The following ULK4 variants were observed in gnomAD, a reference collection of about 807,000 sequenced individuals.
ULK4 encodes the protein inactive serine/threonine-protein kinase ULK4.
A neutral mutation model predicts 160.6 loss-of-function variants in ULK4; 133 were observed. That is an observed-to-expected ratio of 0.83 (90% CI 0.72 to 0.96). ULK4 has a LOEUF of 0.96. ULK4 is among the 40% of genes least tolerant of loss of function. ULK4 has a pLI of 0.00. For missense variants in ULK4, 1,580 were observed against 1,499.5 expected, an observed-to-expected ratio of 1.05 and a Z score of -0.89; for synonymous variants, 534 against 539.8, an observed-to-expected ratio of 0.99 and a Z score of 0.15.
At chr3:41,443,808 G>A (rs1159732357) in intron 34 of ULK4, among the ~76,000 whole-genome samples, 1 of 151,716 alleles carries the variant, frequency 6.6e-6, no homozygotes, top group East Asian at 1.9e-4. Context: ...TAACTAGCAT[G>A]TTAAGCAATA....
intron 17 of ULK4, among the ~76,000 whole-genome samples, chr3:41,842,742 C>T (rs2041966623): frequency 6.6e-6 from 1 of 152,230 alleles, no homozygotes; most frequent in Non-Finnish European, 1.5e-5. Context: ...CCAAATAAAC[C>T]TCTTTTCTTT....
chr3:41,835,723 C>T, intron 18 of ULK4, 141 bp downstream of exon 18: 1 of 545,388 alleles, frequency 1.8e-6, no homozygotes, highest in Non-Finnish European at 3.3e-6. Context: ...AATTCTCTCC[C>T]CAAGAGGTAA....
intron 20 of ULK4, among the ~76,000 whole-genome samples, chr3:41,792,663 T>C (rs985052244): frequency 1.3e-5 from 2 of 152,246 alleles, no homozygotes; most frequent in Non-Finnish European, 2.9e-5. Flanking sequence ...TTCAGAATGC[T>C]GTGCAAAAGC....
At chr3:41,435,183 A>C (rs1328858073) in intron 34 of ULK4, among the ~76,000 whole-genome samples, 1 of 152,222 alleles carries the variant, frequency 6.6e-6, no homozygotes, top group Non-Finnish European at 1.5e-5. Context: ...ACTTCTCTGT[A>C]AAGTGGGTGG....
intron 34 of ULK4, among the ~76,000 whole-genome samples, chr3:41,450,409 A>C (rs1291561353): frequency 6.6e-6 from 1 of 152,206 alleles, no homozygotes; most frequent in Non-Finnish European, 1.5e-5. Flanking sequence ...CAGACTTAGA[A>C]TCACTGTCTT....
intron 18 of ULK4, among the ~76,000 whole-genome samples, chr3:41,829,037 C>A (rs925143220): frequency 1.3e-5 from 2 of 151,080 alleles, no homozygotes; most frequent in Admixed American, 6.6e-5. Context: ...CAAAAACAAG[C>A]AATGGGGAAA....
At chr3:41,500,869 G>A (rs922455216) in intron 32 of ULK4, among the ~76,000 whole-genome samples, 2 of 152,048 alleles carry the variant, frequency 1.3e-5, no homozygotes, top group African/African-American at 4.8e-5. Flanking sequence ...GTGCCTTCTG[G>A]GTTTTCGTGG....
intron 32 of ULK4, among the ~76,000 whole-genome samples, chr3:41,477,904 AT>A (rs1460001378): frequency 2.0e-5 from 3 of 152,248 alleles, no homozygotes; most frequent in Non-Finnish European, 4.4e-5. Context: ...AGATTTGCCT[AT>A]GCTATTTTAG....
chr3:41,817,098 G>A (rs866408876), intron 19 of ULK4, among the ~76,000 whole-genome samples: 9 of 150,904 alleles, frequency 6.0e-5, no homozygotes, highest in Admixed American at 2.6e-4. Flanking sequence ...GTGTACTCAC[G>A]CATGTGCAAT....
chr3:41,731,285 T>C (rs1291039512), intron 22 of ULK4, among the ~76,000 whole-genome samples: 1 of 151,910 alleles, frequency 6.6e-6, no homozygotes, highest in African/African-American at 2.4e-5. Flanking sequence ...TCCTAAAGGC[T>C]CCACCAAAAA....
chr3:41,819,339 C>T (rs1164518023), intron 19 of ULK4, 84 bp downstream of exon 19: 3 of 1,318,186 alleles, frequency 2.3e-6, no homozygotes, highest in African/African-American at 3.0e-5. Flanking sequence ...AGCTCCTGCA[C>T]TGCTGCAGGC....
intron 5 of ULK4, among the ~76,000 whole-genome samples, chr3:41,920,680 A>C (rs780723332): frequency 1.2e-4 from 19 of 152,260 alleles, no homozygotes; most frequent in South Asian, 4.2e-4. Flanking sequence ...GGAAGAAAGT[A>C]ATCTCCAATG....
chr3:41,846,046 T>C (rs2042061614), intron 17 of ULK4, among the ~76,000 whole-genome samples: 1 of 152,222 alleles, frequency 6.6e-6, no homozygotes, highest in Non-Finnish European at 1.5e-5. Context: ...CTGTCTGGAC[T>C]GCCTCCAGCA....
chr3:41,857,691 G>A (rs2042393557), intron 17 of ULK4, among the ~76,000 whole-genome samples: 1 of 151,950 alleles, frequency 6.6e-6, no homozygotes, highest in African/African-American at 2.4e-5. Flanking sequence ...GTTCAATCTT[G>A]GTAGATTTTA....
intron 30 of ULK4, among the ~76,000 whole-genome samples, chr3:41,632,014 G>A (rs764744842): frequency 1.1e-4 from 17 of 152,294 alleles, no homozygotes; most frequent in Non-Finnish European, 2.1e-4. Context: ...TCGTCGCTCT[G>A]CAGCTGGCCA....
intron 22 of ULK4, among the ~76,000 whole-genome samples, chr3:41,737,597 C>A (rs995947988): frequency 6.6e-6 from 1 of 151,774 alleles, no homozygotes. Flanking sequence ...AGGCATCACG[C>A]TATCTAAGTC....
intron 22 of ULK4, among the ~76,000 whole-genome samples, chr3:41,736,842 T>G (rs2125874344): frequency 6.6e-6 from 1 of 151,922 alleles, no homozygotes; most frequent in East Asian, 1.9e-4. Context: ...CGTTTAAGTC[T>G]TTAATCCATC....
chr3:41,584,494 G>A (rs1358702094), intron 31 of ULK4, among the ~76,000 whole-genome samples: 1 of 151,926 alleles, frequency 6.6e-6, no homozygotes, highest in Non-Finnish European at 1.5e-5. Context: ...TCACTATATT[G>A]CCCAGTGATC....
intron 34 of ULK4, among the ~76,000 whole-genome samples, chr3:41,444,361 T>TTTCTCTCTC (rs1245942797): frequency 4.1e-5 from 6 of 146,582 alleles, no homozygotes; most frequent in Non-Finnish European, 4.5e-5. Flanking sequence ...TTTAAGTGAC[T>TTTCTCTCTC]TCTCTCTCTC....
Sources: gnomAD v4.1 joint callset for allele counts (sites outside exome capture counted in the v4.1 genomes callset) on GRCh38, gnomAD v4.1.1 for gene constraint, MANE v1.5 for transcripts, NCBI Gene and HGNC (gene_info 2026-07-23, HGNC 2026-07-21) for gene names.